Variants in PKIB observed in about 807,000 individuals in gnomAD.
The protein encoded by PKIB is PKI-beta.
Under a neutral mutation model 4.5 loss-of-function variants are expected in PKIB, and 2 were observed. The ratio of observed to expected loss-of-function variants is 0.44; its 90% CI spans 0.18 to 1.39. The LOEUF is 1.39. PKIB is among the 40% of genes most tolerant of loss of function. PKIB has a pLI of 0.27. For missense variants in PKIB, 94 were observed against 92.6 expected (o/e 1.02, Z -0.06); for synonymous variants, 38 against 36.0 (o/e 1.06, Z -0.20).
chr6:122,510,022 G>A (rs1412547459), intron 2 of PKIB, among the ~76,000 whole-genome samples: 2 of 151,798 alleles, frequency 1.3e-5, no homozygotes, highest in African/African-American at 2.4e-5. Context: ...TATAGTATAA[G>A]TAGGGATCTT....
chr6:122,654,052 A>G (rs551530973), intron 2 of PKIB, among the ~76,000 whole-genome samples: 69 of 152,358 alleles, frequency 4.5e-4, no homozygotes, highest in African/African-American at 1.6e-3. Flanking sequence ...AATTATGGTC[A>G]GCAAGATATG....
intron 3 of PKIB, among the ~76,000 whole-genome samples, chr6:122,586,926 G>A (rs929439091): frequency 6.6e-6 from 1 of 152,194 alleles, no homozygotes; most frequent in Admixed American, 6.6e-5. Context: ...CCTGGGTGGG[G>A]TGGTAGGAGG....
chr6:122,632,251 A>G (rs1265882780), intron 1 of PKIB, among the ~76,000 whole-genome samples: 2 of 152,236 alleles, frequency 1.3e-5, no homozygotes, highest in African/African-American at 2.4e-5. Context: ...CCTTGAATGC[A>G]TAATATAAAA....
intron 3 of PKIB, among the ~76,000 whole-genome samples, chr6:122,683,953 G>A (rs1389904397): frequency 6.6e-6 from 1 of 152,200 alleles, no homozygotes; most frequent in Non-Finnish European, 1.5e-5. Context: ...CAGTCAAAAT[G>A]TGAAAACACT....
intron 2 of PKIB, chr6:122,644,615 C>T (rs1466337116): frequency 2.0e-5 from 3 of 152,040 alleles, no homozygotes; most frequent in Admixed American, 2.0e-4. Context: ...TAGAATATTG[C>T]CTGTACAGCT....
chr6:122,536,288 GT>G (rs1323160593), intron 2 of PKIB, among the ~76,000 whole-genome samples: 1 of 152,188 alleles, frequency 6.6e-6, no homozygotes, highest in Non-Finnish European at 1.5e-5. Context: ...AAAAAAGACA[GT>G]GGAAAAATTG....
At chr6:122,723,963 C>T (rs935680672) in intron 4 of PKIB, among the ~76,000 whole-genome samples, 4 of 152,094 alleles carry the variant, frequency 2.6e-5, no homozygotes, top group African/African-American at 9.7e-5. Flanking sequence ...TTGTTCATTG[C>T]CTTGTACGTA....
intron 3 of PKIB, among the ~76,000 whole-genome samples, chr6:122,692,482 G>A (rs976747042): frequency 6.6e-6 from 1 of 152,156 alleles, no homozygotes; most frequent in African/African-American, 2.4e-5. Context: ...ACAGCCCCAT[G>A]GGGAGTACTT....
upstream of PKIB, among the ~76,000 whole-genome samples, chr6:122,609,975 T>G (rs1183101336): frequency 6.6e-6 from 1 of 152,134 alleles, no homozygotes; most frequent in Non-Finnish European, 1.5e-5. Flanking sequence ...AAGGGCAACC[T>G]TAATGACACC....
chr6:122,696,067 G>A (rs992097386), intron 3 of PKIB, among the ~76,000 whole-genome samples: 1 of 152,114 alleles, frequency 6.6e-6, no homozygotes, highest in Admixed American at 6.6e-5. Context: ...CTCTATAAAG[G>A]TGGTTCACTG....
chr6:122,607,271 C>T (rs899900117), upstream of PKIB, among the ~76,000 whole-genome samples: 2 of 151,216 alleles, frequency 1.3e-5, no homozygotes, highest in Non-Finnish European at 3.0e-5. Flanking sequence ...CCCAGGAGTT[C>T]GAGGCCAGCC....
chr6:122,628,319 G>A (rs1235999422), intron 1 of PKIB, among the ~76,000 whole-genome samples: 1 of 152,156 alleles, frequency 6.6e-6, no homozygotes, highest in African/African-American at 2.4e-5. Flanking sequence ...TTACAGGCGT[G>A]AGCCACCGCG....
At chr6:122,541,371 AG>A (rs1254989201) in intron 2 of PKIB, among the ~76,000 whole-genome samples, 1 of 151,720 alleles carries the variant, frequency 6.6e-6, no homozygotes, top group Non-Finnish European at 1.5e-5. Flanking sequence ...CTTTTAGGGC[AG>A]GCCTGGTGGT....
chr6:122,529,007 G>A (rs912380648), intron 2 of PKIB, among the ~76,000 whole-genome samples: 1 of 152,134 alleles, frequency 6.6e-6, no homozygotes, highest in African/African-American at 2.4e-5. Context: ...GTGAATTTTA[G>A]GGTAACACAA....
intron 2 of PKIB, among the ~76,000 whole-genome samples, chr6:122,636,682 A>G (rs1775929907): frequency 6.6e-6 from 1 of 152,106 alleles, no homozygotes; most frequent in Non-Finnish European, 1.5e-5. Context: ...AAAATCCAAA[A>G]AAGGATTTGG....
intron 2 of PKIB, among the ~76,000 whole-genome samples, chr6:122,573,309 C>T (rs577213746): frequency 6.6e-6 from 1 of 152,038 alleles, no homozygotes; most frequent in Non-Finnish European, 1.5e-5. Context: ...GATCTTATCA[C>T]TTAAACCCAG....
chr6:122,672,830 T>C (rs1020706027), intron 2 of PKIB, among the ~76,000 whole-genome samples: 20 of 151,892 alleles, frequency 1.3e-4, no homozygotes, highest in African/African-American at 4.8e-4. Context: ...ACAAAAATTA[T>C]TTTTATATTT....
intron 2 of PKIB, among the ~76,000 whole-genome samples, chr6:122,548,869 A>G (rs1329732757): frequency 2.6e-5 from 4 of 152,324 alleles, no homozygotes; most frequent in South Asian, 4.1e-4. Context: ...TTTGATAACT[A>G]TGTATACCTG....
chr6:122,517,348 C>G (rs1265348566), intron 2 of PKIB, among the ~76,000 whole-genome samples: 2 of 152,136 alleles, frequency 1.3e-5, no homozygotes, highest in Admixed American at 6.5e-5. Context: ...TTTTATAAGT[C>G]TAATGCTTTT....
Sources: gnomAD v4.1 joint callset for allele counts (sites outside exome capture counted in the v4.1 genomes callset) on GRCh38, gnomAD v4.1.1 for gene constraint, MANE v1.5 for transcripts, NCBI Gene and HGNC (gene_info 2026-07-23, HGNC 2026-07-21) for gene names.